Variants in PCDH15 observed in about 807,000 individuals in gnomAD.
PCDH15 encodes the protein protocadherin-15.
PCDH15 carries 129 observed loss-of-function variants against 178.5 expected under a neutral mutation model. The ratio of observed to expected loss-of-function variants is 0.72; its 90% confidence interval spans 0.63 to 0.84. The LOEUF (loss-of-function observed/expected upper bound fraction) is 0.84, where lower values mean the gene tolerates loss of function less well. PCDH15 is among the 40% of genes least tolerant of loss of function. The pLI, the probability that PCDH15 is intolerant of heterozygous loss-of-function variation, is 0.00. For missense variants in PCDH15, 2,230 were observed against 2,099.9 expected (o/e 1.06, Z -1.21); for synonymous variants, 800 against 732.0 (o/e 1.09, Z -1.50).
chr10:54,583,288 T>C (rs2091199773), intron 2 of PCDH15, among the ~76,000 whole-genome samples: 1 of 152,144 alleles, frequency 6.6e-6, no homozygotes, highest in South Asian at 2.1e-4. Context: ...TATAGACTAT[T>C]ATACCAAACA....
intron 2 of PCDH15, among the ~76,000 whole-genome samples, chr10:55,000,950 A>C (rs1261562484): frequency 6.6e-6 from 1 of 152,124 alleles, no homozygotes; most frequent in Non-Finnish European, 1.5e-5. Context: ...ACCCATGGAC[A>C]AATTAGCATG....
At chr10:55,422,368 A>G (rs755214589) in intron 2 of PCDH15, among the ~76,000 whole-genome samples, 7 of 151,866 alleles carry the variant, frequency 4.6e-5, no homozygotes, top group Non-Finnish European at 8.8e-5. Context: ...GTGCATGAGA[A>G]ACCATCAAAT....
chr10:55,079,798 G>A (rs1171969946), intron 2 of PCDH15, among the ~76,000 whole-genome samples: 1 of 152,128 alleles, frequency 6.6e-6, no homozygotes, highest in African/African-American at 2.4e-5. Context: ...CTGTCTTCAG[G>A]TTCATGAGGA....
chr10:54,743,220 T>C (rs1300401084), intron 1 of PCDH15, among the ~76,000 whole-genome samples: 1 of 152,074 alleles, frequency 6.6e-6, no homozygotes, highest in Non-Finnish European at 1.5e-5. Flanking sequence ...TAAGTTCTTA[T>C]ATATAATAAA....
intron 1 of PCDH15, among the ~76,000 whole-genome samples, chr10:55,275,285 C>G (rs1842560083): frequency 6.6e-6 from 1 of 151,768 alleles, no homozygotes; most frequent in Non-Finnish European, 1.5e-5. Flanking sequence ...ACTTCTATTT[C>G]TACTCCCACT....
chr10:55,127,126 C>T (rs896516452), intron 2 of PCDH15, among the ~76,000 whole-genome samples: 1 of 152,004 alleles, frequency 6.6e-6, no homozygotes, highest in African/African-American at 2.4e-5. Context: ...TGCTTTTCTG[C>T]TCGATTATCC....
chr10:55,402,665 A>T (rs1409252594), intron 2 of PCDH15, among the ~76,000 whole-genome samples: 1 of 151,948 alleles, frequency 6.6e-6, no homozygotes, highest in Non-Finnish European at 1.5e-5. Context: ...ATTAATTTTT[A>T]TGTCTGAATA....
chr10:54,378,832 C>G lies in PCDH15; in HGVS notation c.268G>C (p.Val90Leu). ...CTGTTCAGGAAAAGCATTTGCTTAACAGGATCCATCAACACCCAGTAATCC... is the reference window on the plus strand; with the variant it reads ...CTGTTCAGGAAAAGCATTTGCTTAAGAGGATCCATCAACACCCAGTAATCC... ...NVDYWVLMDP[V>L]KQMLFLNSTG... The change falls in exon 4 of 38, where the codon GTT becomes CTT. Residue 90 changes from valine to leucine, a missense_variant. Physicochemically the swap from Val to Leu is conservative, Grantham distance 32. Coordinates refer to ENST00000644397, the MANE Select transcript of PCDH15 (RefSeq NM_001384140.1). 2 of 1,613,906 alleles carry G rather than the reference C, an allele frequency of 1.2e-6. No individual in the cohort carries two copies. The highest frequency in any genetic ancestry group is 1.7e-6 in the Non-Finnish European group (2 of 1,179,882).
At chr10:55,496,435 T>C (rs188199363) in intron 2 of PCDH15, among the ~76,000 whole-genome samples, 276 of 152,052 alleles carry the variant, frequency 1.8e-3, no homozygotes, top group African/African-American at 5.9e-3. Flanking sequence ...AAAATGTTTA[T>C]TTCCTTGTAA....
At chr10:54,551,154 C>CAAAAAAAA (rs57337778) in intron 2 of PCDH15, among the ~76,000 whole-genome samples, 8 of 52,416 alleles carry the variant, frequency 1.5e-4, no homozygotes, top group East Asian at 4.2e-4. Context: ...GACTCTGTCT[C>CAAAAAAAA]AAAAAAAAAA....
At chr10:54,291,798 A>T (rs773024972) in intron 8 of PCDH15, among the ~76,000 whole-genome samples, 2 of 152,222 alleles carry the variant, frequency 1.3e-5, no homozygotes, top group Admixed American at 1.3e-4. Context: ...GAATAGACCA[A>T]TAACAGGATC....
chr10:54,013,284 A>G (rs903790695), intron 20 of PCDH15, among the ~76,000 whole-genome samples: 2 of 152,180 alleles, frequency 1.3e-5, no homozygotes, highest in Admixed American at 1.3e-4. Context: ...ACCTACAAAG[A>G]GACTTCGATT....
intron 2 of PCDH15, among the ~76,000 whole-genome samples, chr10:55,442,481 T>TTATATATA: frequency 8.1e-6 from 1 of 123,070 alleles, no homozygotes; most frequent in South Asian, 2.4e-4. Flanking sequence ...TATATATATA[T>TTATATATA]TATATATATA....
chr10:54,085,915 A>G (rs372298259), intron 16 of PCDH15, among the ~76,000 whole-genome samples: 2 of 152,186 alleles, frequency 1.3e-5, no homozygotes, highest in East Asian at 1.9e-4. Flanking sequence ...ATAAAATAAT[A>G]TGGTATTTAA....
At chr10:55,092,700 G>T (rs2132037065) in intron 2 of PCDH15, among the ~76,000 whole-genome samples, 1 of 151,826 alleles carries the variant, frequency 6.6e-6, no homozygotes, top group East Asian at 1.9e-4. Context: ...ACCAAGAACT[G>T]TTTTAGAAAA....
At chr10:53,996,589 G>T (rs184516672) in intron 20 of PCDH15, among the ~76,000 whole-genome samples, 1 of 152,090 alleles carries the variant, frequency 6.6e-6, no homozygotes, top group Non-Finnish European at 1.5e-5. Flanking sequence ...ATACTAATCT[G>T]CAGAAAGGCT....
intron 25 of PCDH15, among the ~76,000 whole-genome samples, chr10:53,919,333 G>C (rs1001349154): frequency 6.6e-6 from 1 of 152,126 alleles, no homozygotes; most frequent in Admixed American, 6.5e-5. Flanking sequence ...AATGTGTTAG[G>C]ATGTTCCCAA....
Position 54,408,571 on chromosome 10 carries a change from C to A in PCDH15, c.158-29629G>T, listed in dbSNP as rs1314712594. Among the ~76,000 whole-genome samples, 4 of 152,140 alleles carry A rather than the reference C, an allele frequency of 2.6e-5. No homozygotes were observed. In the East Asian group the frequency reaches 7.7e-4, roughly 29 times the overall value. Reference sequence around the variant, plus strand: ...ATGTGACAGCATGTGACAAGTGTAGCAGATGCTGTGGATCAGCTTACACAA... The same window carrying A: ...ATGTGACAGCATGTGACAAGTGTAGAAGATGCTGTGGATCAGCTTACACAA... On this transcript the variant is annotated intron_variant, in intron 3 of 37. Transcript: ENST00000644397.
chr10:55,460,473 C>CT (rs1267925553), intron 2 of PCDH15, among the ~76,000 whole-genome samples: 11 of 151,908 alleles, frequency 7.2e-5, no homozygotes, highest in Admixed American at 2.6e-4. Context: ...ATTAATTAAT[C>CT]TTTTCTTTGT....
Sources: gnomAD v4.1 joint callset for allele counts (sites outside exome capture counted in the v4.1 genomes callset) on GRCh38, gnomAD v4.1.1 for gene constraint, MANE v1.5 for transcripts, NCBI Gene and HGNC (gene_info 2026-07-23, HGNC 2026-07-21) for gene names.